The following CLSTN2 variants were observed in gnomAD, a reference collection of about 807,000 sequenced individuals.
CLSTN2 encodes the protein calsyntenin 2.
Under a neutral mutation model 101.2 loss-of-function variants are expected in CLSTN2, and 48 were observed. The ratio of observed to expected loss-of-function variants is 0.47; its 90% confidence interval spans 0.38 to 0.60. The LOEUF (loss-of-function observed/expected upper bound fraction) is 0.60. Among genes scored for constraint, CLSTN2 ranks in the 20% least tolerant of loss-of-function variants. CLSTN2 has a pLI of 0.00. For missense variants in CLSTN2, 1,160 were observed against 1,238.2 expected (o/e 0.94, Z 0.95); for synonymous variants, 481 against 463.6 (o/e 1.04, Z -0.48).
chr3:140,520,987 T>A (rs1288294413), intron 8 of CLSTN2, among the ~76,000 whole-genome samples: 1 of 152,194 alleles, frequency 6.6e-6, no homozygotes, highest in Non-Finnish European at 1.5e-5. Flanking sequence ...TCATGTTGTG[T>A]TCCTCTCTAA....
At chr3:140,031,903 G>A (rs2007558434) in intron 1 of CLSTN2, among the ~76,000 whole-genome samples, 1 of 152,184 alleles carries the variant, frequency 6.6e-6, no homozygotes, top group Non-Finnish European at 1.5e-5. Flanking sequence ...GTGTGATCTT[G>A]GGGAAGTCAT....
intron 2 of CLSTN2, among the ~76,000 whole-genome samples, chr3:140,295,364 C>G (rs2086993322): frequency 2.0e-5 from 3 of 152,008 alleles, no homozygotes; most frequent in Admixed American, 6.6e-5. Flanking sequence ...AAACTATTTC[C>G]CTTGGTTTTA....
chr3:140,475,884 A>G (rs1244402080), intron 8 of CLSTN2, among the ~76,000 whole-genome samples: 1 of 152,264 alleles, frequency 6.6e-6, no homozygotes. Flanking sequence ...TAAACATTAA[A>G]AAGAATATTG....
At chr3:140,511,619 AGCTCACTGCAAGCTCT>A (rs1934816641) in intron 8 of CLSTN2, among the ~76,000 whole-genome samples, 5 of 135,632 alleles carry the variant, frequency 3.7e-5, no homozygotes, top group Non-Finnish European at 7.6e-5. Flanking sequence ...GTGCAATCTC[AGCTCACTGCAAGCTCT>A]GCCTCCCGGG....
intron 2 of CLSTN2, among the ~76,000 whole-genome samples, chr3:140,400,189 T>C (rs2088224695): frequency 6.6e-6 from 1 of 152,210 alleles, no homozygotes; most frequent in Non-Finnish European, 1.5e-5. Flanking sequence ...AGCTTCCTAC[T>C]TAGTCAGTTG....
intron 1 of CLSTN2, among the ~76,000 whole-genome samples, chr3:140,161,433 A>C (rs1279766559): frequency 2.0e-5 from 3 of 152,172 alleles, no homozygotes; most frequent in Admixed American, 2.0e-4. Context: ...GACAGCATGC[A>C]CTCAAGTTCA....
chr3:140,129,839 C>T (rs561400371), intron 1 of CLSTN2, among the ~76,000 whole-genome samples: 30 of 152,192 alleles, frequency 2.0e-4, no homozygotes, highest in African/African-American at 6.7e-4. Flanking sequence ...TTCTGCATGC[C>T]GACACAGTGA....
intron 8 of CLSTN2, among the ~76,000 whole-genome samples, chr3:140,478,570 A>G (rs1358037296): frequency 6.6e-6 from 1 of 152,216 alleles, no homozygotes; most frequent in Non-Finnish European, 1.5e-5. Context: ...AGTGGTGCCT[A>G]GGGCATGGGG....
chr3:140,077,757 C>A (rs553816906), intron 1 of CLSTN2, among the ~76,000 whole-genome samples: 1 of 152,164 alleles, frequency 6.6e-6, no homozygotes, highest in African/African-American at 2.4e-5. Context: ...TTGCTCACTG[C>A]CCACAAAGCT....
At chr3:140,179,030 A>C (rs2010367329) in intron 2 of CLSTN2, among the ~76,000 whole-genome samples, 1 of 152,174 alleles carries the variant, frequency 6.6e-6, no homozygotes, top group African/African-American at 2.4e-5. Context: ...AGATTCTGCC[A>C]TCTTACACAT....
intron 2 of CLSTN2, among the ~76,000 whole-genome samples, chr3:140,218,408 A>G (rs2010947624): frequency 6.6e-6 from 1 of 152,130 alleles, no homozygotes; most frequent in Admixed American, 6.5e-5. Flanking sequence ...ACTTATTATT[A>G]TCCTTACTTC....
intron 2 of CLSTN2, among the ~76,000 whole-genome samples, chr3:140,344,597 C>A (rs535910419): frequency 6.6e-6 from 1 of 152,154 alleles, no homozygotes; most frequent in South Asian, 2.1e-4. Context: ...GTCCAACTAC[C>A]GCACTCTCTG....
intron 2 of CLSTN2, among the ~76,000 whole-genome samples, chr3:140,247,095 A>G (rs1559818271): frequency 6.6e-6 from 1 of 152,090 alleles, no homozygotes; most frequent in Non-Finnish European, 1.5e-5. Context: ...CACCATTGAG[A>G]GATGGGCTTT....
chr3:140,339,710 T>C (rs2107935102), intron 2 of CLSTN2, among the ~76,000 whole-genome samples: 1 of 152,328 alleles, frequency 6.6e-6, no homozygotes, highest in South Asian at 2.1e-4. Context: ...AAGGTACACA[T>C]AGAGCCACAG....
At chr3:140,353,554 C>T (rs1430541588) in intron 2 of CLSTN2, among the ~76,000 whole-genome samples, 3 of 152,078 alleles carry the variant, frequency 2.0e-5, no homozygotes, top group Non-Finnish European at 4.4e-5. Context: ...ACGTTAATCT[C>T]CTTTGACAAC....
rs1172125353 is a variant in CLSTN2 at position 140,385,462 on chromosome 3, G to C, written c.233-18167G>C. On this transcript the variant is annotated intron_variant, in intron 2 of 16. Coordinates refer to ENST00000458420, the MANE Select transcript of CLSTN2 (RefSeq NM_022131.3). ...CGACTCGCTGTAAACTCCTCCTCCC[G>C]GGTTCACGCCATTCTCCTGCCTCAG... Among the ~76,000 whole-genome samples, 6 of 147,728 alleles carry C rather than the reference G, an allele frequency of 4.1e-5. No individual in the cohort carries two copies. In the South Asian group the frequency reaches 1.1e-3, roughly 27 times the overall value.
chr3:140,335,446 T>C (rs963423413), intron 2 of CLSTN2, among the ~76,000 whole-genome samples: 7 of 136,068 alleles, frequency 5.1e-5, no homozygotes, highest in African/African-American at 1.9e-4. Flanking sequence ...GCTCAGAAGA[T>C]GTGAAAGGCC....
chr3:140,436,763 C>T (rs1242164383), intron 5 of CLSTN2, among the ~76,000 whole-genome samples: 2 of 152,230 alleles, frequency 1.3e-5, no homozygotes, highest in Non-Finnish European at 2.9e-5. Context: ...CTGAGGAGGA[C>T]TCATTTCTGA....
intron 1 of CLSTN2, among the ~76,000 whole-genome samples, chr3:140,043,791 C>T (rs879085423): frequency 3.9e-5 from 6 of 152,154 alleles, no homozygotes; most frequent in Non-Finnish European, 5.9e-5. Context: ...AATCCTTTCC[C>T]CATTTCTTGT....
Sources: gnomAD v4.1 joint callset for allele counts (sites outside exome capture counted in the v4.1 genomes callset) on GRCh38, gnomAD v4.1.1 for gene constraint, MANE v1.5 for transcripts, NCBI Gene and HGNC (gene_info 2026-07-23, HGNC 2026-07-21) for gene names.